Variants in SPATA13 observed in about 807,000 individuals in gnomAD.
SPATA13 encodes spermatogenesis associated 13, also known as spermatogenesis-associated protein 13.
Under a neutral mutation model 104.0 loss-of-function variants are expected in SPATA13, and 50 were observed. The observed-to-expected ratio is 0.48, with a 90% CI of 0.38 to 0.61. The LOEUF is 0.61. Among genes scored for constraint, SPATA13 ranks in the 20% least tolerant of loss-of-function variants. The pLI, the probability that SPATA13 is intolerant of heterozygous loss-of-function variation, is 0.00. For synonymous variants in SPATA13, 606 were observed against 667.5 expected, an observed-to-expected ratio of 0.91 and a Z score of 1.42; for missense variants, 1,524 against 1,690.6, an observed-to-expected ratio of 0.90 and a Z score of 1.73.
At chr13:24,228,409 C>T (rs1252703282) in intron 2 of SPATA13, among the ~76,000 whole-genome samples, 8 of 152,102 alleles carry the variant, frequency 5.3e-5, no homozygotes, top group African/African-American at 1.7e-4. Context: ...GCCACCGCGC[C>T]GAGCCTGTAC....
intron 3 of SPATA13, among the ~76,000 whole-genome samples, chr13:24,076,283 G>C (rs1879324016): frequency 6.6e-6 from 1 of 152,134 alleles, no homozygotes; most frequent in Non-Finnish European, 1.5e-5. Context: ...CCTGGGAAAT[G>C]AGTGGTTTAT....
At position 24,300,477 on chromosome 13, in the gene SPATA13, T is replaced by C; in HGVS notation, c.3658+2T>C. ...AGGCAGGACATGGAAAGTCAAAAGG[T>C]AAGTTATGGAGAAGGCTTTGTCCCC... On this transcript the variant is annotated splice_donor_variant, in intron 12 of 12. Transcript: ENST00000382108. LOFTEE classifies it high-confidence loss of function. 6.2e-7 allele frequency: 1 copy of C among 1,613,694 alleles called. No homozygotes were observed. Among genetic ancestry groups the C allele is most frequent in the Non-Finnish European group, 8.5e-7 (1 of 1,179,670 alleles).
At chr13:23,984,077 G>A in intron 2 of SPATA13, 1 of 353,870 alleles carries the variant, frequency 2.8e-6, no homozygotes, top group Non-Finnish European at 4.0e-6. Flanking sequence ...AACTAACAAG[G>A]GTGTAATTGG....
chr13:24,186,431 C>T (rs1424138304), intron 1 of SPATA13, among the ~76,000 whole-genome samples: 1 of 152,182 alleles, frequency 6.6e-6, no homozygotes, highest in African/African-American at 2.4e-5. Flanking sequence ...TGATAATAGT[C>T]TTCAAACCAA....
chr13:24,020,454 C>T (rs896427214), intron 3 of SPATA13, among the ~76,000 whole-genome samples: 10 of 152,168 alleles, frequency 6.6e-5, no homozygotes, highest in African/African-American at 2.4e-4. Flanking sequence ...GATTCACAAT[C>T]CATTTGAGTT....
chr13:24,295,498 G>A (rs902279036), intron 10 of SPATA13, among the ~76,000 whole-genome samples: 3 of 152,080 alleles, frequency 2.0e-5, no homozygotes, highest in South Asian at 2.1e-4. Flanking sequence ...TGTATTCCTG[G>A]CTACTCGGGA....
intron 2 of SPATA13, 91 bp downstream of exon 2, chr13:24,224,673 G>T: frequency 7.4e-7 from 1 of 1,355,702 alleles, no homozygotes; most frequent in Non-Finnish European, 1.0e-6. Context: ...AACCTGTCAA[G>T]GTCAGTGGCC....
intron 3 of SPATA13, chr13:24,123,668 G>A (rs1881116516): frequency 5.0e-6 from 8 of 1,590,858 alleles, no homozygotes; most frequent in Non-Finnish European, 8.6e-7. Context: ...CAAACTTCAT[G>A]CATATATATT....
intron 1 of SPATA13, among the ~76,000 whole-genome samples, chr13:24,173,146 T>G (rs1431321626): frequency 2.6e-5 from 4 of 152,108 alleles, no homozygotes; most frequent in Non-Finnish European, 5.9e-5. Flanking sequence ...GGTGCGATCT[T>G]GGCTCACTGC....
intron 1 of SPATA13, among the ~76,000 whole-genome samples, chr13:24,208,866 G>A (rs1244427041): frequency 6.6e-6 from 1 of 152,160 alleles, no homozygotes; most frequent in African/African-American, 2.4e-5. Context: ...GTCTCAAGAG[G>A]TGAATACTGT....
intron 4 of SPATA13, among the ~76,000 whole-genome samples, chr13:24,280,168 C>T (rs566911318): frequency 6.6e-6 from 1 of 152,252 alleles, no homozygotes; most frequent in East Asian, 1.9e-4. Flanking sequence ...CGTACCACGA[C>T]CCCGGGTAGA....
intron 3 of SPATA13, among the ~76,000 whole-genome samples, chr13:24,084,783 G>T (rs1462640900): frequency 6.6e-6 from 1 of 152,146 alleles, no homozygotes; most frequent in East Asian, 1.9e-4. Flanking sequence ...ACTGTGAGAA[G>T]CCAAGAGGCA....
intron 2 of SPATA13, among the ~76,000 whole-genome samples, chr13:23,993,530 T>C (rs1875515766): frequency 6.6e-6 from 1 of 152,216 alleles, no homozygotes; most frequent in Non-Finnish European, 1.5e-5. Context: ...AGATGTCAAA[T>C]GCTTGATGCC....
intron 3 of SPATA13, among the ~76,000 whole-genome samples, chr13:24,028,133 C>T (rs1877319570): frequency 6.6e-6 from 1 of 152,168 alleles, no homozygotes; most frequent in Admixed American, 6.5e-5. Context: ...GGCTAATACA[C>T]TTAATCTTTT....
intron 3 of SPATA13, chr13:24,035,157 T>TTTTTG (rs1195940502): frequency 1.3e-5 from 2 of 152,196 alleles, no homozygotes; most frequent in Non-Finnish European, 2.9e-5. Context: ...TTTCTATATG[T>TTTTTG]TTTTGTTTTG....
intron 2 of SPATA13, among the ~76,000 whole-genome samples, chr13:24,014,004 C>G (rs1183934201): frequency 6.6e-6 from 1 of 152,170 alleles, no homozygotes; most frequent in African/African-American, 2.4e-5. Flanking sequence ...AGCCTCCAAA[C>G]CCGTCACGCA....
At chr13:24,028,609 T>C (rs1056983516) in intron 3 of SPATA13, among the ~76,000 whole-genome samples, 1 of 152,214 alleles carries the variant, frequency 6.6e-6, no homozygotes, top group Non-Finnish European at 1.5e-5. Flanking sequence ...ATATTCTTTA[T>C]GCTTCCTAAT....
chr13:24,032,213 A>AT (rs1877507182), intron 3 of SPATA13, among the ~76,000 whole-genome samples: 1 of 151,822 alleles, frequency 6.6e-6, no homozygotes, highest in African/African-American at 2.4e-5. Flanking sequence ...CCTCTTAGTG[A>AT]TTTTCTGTCC....
rs796257486 is a variant in SPATA13, at chr13:24,240,116, C to G, written c.1654-9361C>G. Reference sequence around the variant, plus strand: ...GCTCAGGAGCTCAAGACCAGCCTGGCCAACATGGCAAAACCCTGTCCCTGC... The same window carrying G: ...GCTCAGGAGCTCAAGACCAGCCTGGGCAACATGGCAAAACCCTGTCCCTGC... On this transcript the variant is annotated intron_variant, in intron 2 of 12. Transcript: ENST00000382108. 2.7e-3 allele frequency among the ~76,000 whole-genome samples: 406 copies of G among 151,398 alleles called. 2 individuals are homozygous for G. Among genetic ancestry groups the G allele is most frequent in the African/African-American group, 9.7e-3 (397 of 40,816 alleles).
Sources: gnomAD v4.1 joint callset for allele counts (sites outside exome capture counted in the v4.1 genomes callset) on GRCh38, gnomAD v4.1.1 for gene constraint, MANE v1.5 for transcripts, NCBI Gene and HGNC (gene_info 2026-07-23, HGNC 2026-07-21) for gene names.